The following EPHA7 variants were observed in gnomAD, a reference collection of about 807,000 sequenced individuals.
EPHA7 encodes the protein ephrin type-A receptor 7.
Under a neutral mutation model 112.6 loss-of-function variants are expected in EPHA7, and 25 were observed. The ratio of observed to expected loss-of-function variants is 0.22; its 90% confidence interval spans 0.16 to 0.31. EPHA7 has a LOEUF of 0.31. EPHA7 is among the 10% of genes least tolerant of loss of function. EPHA7 has a pLI of 1.00. For missense variants in EPHA7, 962 were observed against 1,212.6 expected (o/e 0.79, Z 3.07); for synonymous variants, 437 against 406.5 (o/e 1.07, Z -0.90).
intron 9 of EPHA7, chr6:93,260,395 T>C (rs1269230194): frequency 7.5e-6 from 3 of 400,360 alleles, no homozygotes; most frequent in Admixed American, 6.5e-5. Flanking sequence ...AATAATGTAT[T>C]CCAAATCTAT....
At chr6:93,309,857 G>A (rs1773444050) in intron 5 of EPHA7, among the ~76,000 whole-genome samples, 2 of 152,122 alleles carry the variant, frequency 1.3e-5, no homozygotes, top group Admixed American at 1.3e-4. Flanking sequence ...TAAGTATTCT[G>A]TTAATGCTCT....
intron 5 of EPHA7, among the ~76,000 whole-genome samples, chr6:93,312,009 A>T (rs1461374173): frequency 2.0e-5 from 3 of 152,140 alleles, no homozygotes; most frequent in Non-Finnish European, 4.4e-5. Flanking sequence ...AACATTCAGT[A>T]AGCCATGCTG....
chr6:93,263,792 C>T, intron 9 of EPHA7, 68 bp downstream of exon 9: 2 of 1,300,534 alleles, frequency 1.5e-6, no homozygotes, highest in Non-Finnish European at 2.2e-6. Flanking sequence ...TTTGTTAATG[C>T]CAATGCTAAT....
In EPHA7 at chr6:93,414,852, A is replaced by G. The variant is rs1323674356; in HGVS notation, c.98-85T>C. The G allele has an allele frequency of 4.8e-6, 5 of 1,033,530 alleles. No homozygotes were observed. In the East Asian group the frequency reaches 9.6e-5, roughly 20 times the overall value. 64.0% of individuals were successfully genotyped at this position (1,033,530 alleles called of 1,614,324 possible). A position where few individuals can be genotyped will look rare whatever the true frequency, so the allele number is the denominator to read the frequency against. On this transcript the variant is annotated intron_variant, in intron 1 of 16. Coordinates refer to ENST00000369303, the MANE Select transcript of EPHA7 (RefSeq NM_004440.4). ...ATTTTTAAGGTGAATCTTTTCATAT[A>G]ACTATCACTATATGACTTAAGATCT...
At chr6:93,279,392 T>C (rs1482832313) in intron 5 of EPHA7, among the ~76,000 whole-genome samples, 2 of 152,156 alleles carry the variant, frequency 1.3e-5, no homozygotes, top group Non-Finnish European at 2.9e-5. Context: ...ATAAGCATGG[T>C]CCTTTCCCAC....
chr6:93,256,363 A>T (rs1770440875), intron 12 of EPHA7, among the ~76,000 whole-genome samples: 2 of 152,038 alleles, frequency 1.3e-5, no homozygotes, highest in Non-Finnish European at 2.9e-5. Context: ...CCCAATAGCT[A>T]AGTGTTTTCC....
chr6:93,297,434 C>CAATAT (rs911212126), intron 5 of EPHA7, among the ~76,000 whole-genome samples: 66 of 152,110 alleles, frequency 4.3e-4, no homozygotes, highest in African/African-American at 1.5e-3. Context: ...TTCTTTTGGT[C>CAATAT]AATATAGTCA....
At chr6:93,364,017 A>C (rs565169760) in intron 3 of EPHA7, among the ~76,000 whole-genome samples, 16 of 152,292 alleles carry the variant, frequency 1.1e-4, no homozygotes, top group African/African-American at 3.8e-4. Context: ...TAGAAAATAG[A>C]TTACCAGTTT....
intron 5 of EPHA7, among the ~76,000 whole-genome samples, chr6:93,340,406 GT>G (rs1332345580): frequency 6.6e-6 from 1 of 151,702 alleles, no homozygotes; most frequent in Admixed American, 6.6e-5. Flanking sequence ...ATGGATACAG[GT>G]TTAGAATACC....
intron 15 of EPHA7, among the ~76,000 whole-genome samples, chr6:93,246,332 G>A (rs1046246045): frequency 1.3e-5 from 2 of 152,082 alleles, no homozygotes; most frequent in Non-Finnish European, 2.9e-5. Context: ...TTACAAGCGT[G>A]AGCCACCGCA....
At chr6:93,405,868 A>G (rs1326334737) in intron 3 of EPHA7, among the ~76,000 whole-genome samples, 11 of 142,256 alleles carry the variant, frequency 7.7e-5, no homozygotes, top group Non-Finnish European at 1.4e-4. Flanking sequence ...TATAAATACT[A>G]TATAAAGACT....
rs1370245040 is a variant in EPHA7 at position 93,243,256 on chromosome 6, A to G, written c.*170T>C. ...TGGATCCTAAATTCCCTTTTTATATATTCTGGTGGCACTTAGGAGTTCAAG... is the reference window on the plus strand; with the variant it reads ...TGGATCCTAAATTCCCTTTTTATATGTTCTGGTGGCACTTAGGAGTTCAAG... On this transcript the variant is annotated 3_prime_UTR_variant, in exon 17 of 17. Transcript: ENST00000369303. 1 of 461,714 alleles carries G rather than the reference A, an allele frequency of 2.2e-6. No homozygotes were observed. The highest frequency in any genetic ancestry group is 5.4e-5 in the South Asian group (1 of 18,674). 28.6% of individuals were successfully genotyped at this position (461,714 alleles called of 1,614,324 possible).
intron 1 of EPHA7, 108 bp downstream of exon 1, chr6:93,419,137 T>G: frequency 1.2e-6 from 1 of 837,774 alleles, no homozygotes; most frequent in Non-Finnish European, 1.7e-6. Flanking sequence ...CGGGGGAGGG[T>G]CGCCCGGCGC....
At chr6:93,289,498 C>G (rs940283104) in intron 5 of EPHA7, among the ~76,000 whole-genome samples, 13 of 151,788 alleles carry the variant, frequency 8.6e-5, no homozygotes, top group Admixed American at 5.3e-4. Flanking sequence ...GTGGCGAGCA[C>G]CTGTAGTCCC....
At chr6:93,340,096 T>G (rs1333137291) in intron 5 of EPHA7, among the ~76,000 whole-genome samples, 8 of 151,848 alleles carry the variant, frequency 5.3e-5, no homozygotes, top group Non-Finnish European at 1.0e-4. Flanking sequence ...TATGCCTGAT[T>G]ATTACAGGAA....
chr6:93,290,753 TC>T (rs1481005769), intron 5 of EPHA7, among the ~76,000 whole-genome samples: 10 of 152,160 alleles, frequency 6.6e-5, no homozygotes, highest in Admixed American at 6.5e-4. Context: ...ATGAGTACCT[TC>T]CATTACAGGA....
At chr6:93,416,388 T>C (rs1191328759) in intron 1 of EPHA7, among the ~76,000 whole-genome samples, 1 of 152,166 alleles carries the variant, frequency 6.6e-6, no homozygotes, top group Non-Finnish European at 1.5e-5. Context: ...GCAGGTGACC[T>C]TCTTGGGTCA....
chr6:93,316,399 C>T (rs117630977), intron 5 of EPHA7, among the ~76,000 whole-genome samples: 2,652 of 152,092 alleles, frequency 0.017, 32 homozygotes, highest in Non-Finnish European at 0.028. Context: ...GTAGAATCAA[C>T]CTGAAAATAT....
chr6:93,255,797 TGAA>T, intron 13 of EPHA7, 28 bp downstream of exon 13: 1 of 1,559,290 alleles, frequency 6.4e-7, no homozygotes, highest in Non-Finnish European at 8.8e-7. Context: ...CTTAAGAATA[TGAA>T]GAAGTGCAGT....
Sources: allele counts gnomAD v4.1 joint callset (sites outside exome capture counted in the v4.1 genomes callset), GRCh38; gene constraint gnomAD v4.1.1; transcripts MANE v1.5; gene names NCBI Gene and HGNC (gene_info 2026-07-23, HGNC 2026-07-21).